IFIH1: variants seen among roughly 807,000 people sequenced by gnomAD.
IFIH1 encodes the protein interferon-induced helicase C domain-containing protein 1.
IFIH1 carries 125 observed loss-of-function variants against 107.4 expected under a neutral mutation model. The observed-to-expected ratio is 1.16, with a 90% CI of 1.01 to 1.35. The LOEUF (loss-of-function observed/expected upper bound fraction) is 1.35, where lower values mean the gene tolerates loss of function less well. Ranked by LOEUF, IFIH1 falls within the 40% of genes most tolerant of loss-of-function variation. The probability of loss-of-function intolerance (pLI) is 0.00; values close to 1 mark genes in which losing one functional copy is unlikely to be tolerated. For missense variants in IFIH1, 1,333 were observed against 1,213.7 expected, an observed-to-expected ratio of 1.10 and a Z score of -1.46; for synonymous variants, 458 against 413.2, an observed-to-expected ratio of 1.11 and a Z score of -1.31.
intron 4 of IFIH1, among the ~76,000 whole-genome samples, chr2:162,292,547 A>G (rs1176618714): frequency 6.6e-6 from 1 of 151,844 alleles, no homozygotes; most frequent in African/African-American, 2.4e-5. Flanking sequence ...CTTTCTATAA[A>G]CTATTTTGCC....
chr2:162,317,916 A>T lies in IFIH1; in HGVS notation c.392T>A (p.Val131Asp). 6.2e-7 allele frequency: 1 copy of T among 1,613,620 alleles called. No homozygotes were observed. Among genetic ancestry groups the T allele is most frequent in the Non-Finnish European group, 8.5e-7 (1 of 1,179,716 alleles). The change falls in exon 1 of 16, where the codon GTT becomes GAT. Residue 131 changes from valine (V) to aspartate (D), a missense_variant. Transcript: ENST00000649979. ...CATGCACTTATCCAAGACGTCTCTA[A>T]CTAGAAGCTTGTCCACCAGAGTGGG... ...LQPTLVDKLL[V>D]RDVLDKCMEE...
At position 162,318,486 on chromosome 2, in the gene IFIH1, T is replaced by G; in HGVS notation, c.-179A>C. On this transcript the variant is annotated 5_prime_UTR_variant, in exon 1 of 16. Transcript: ENST00000649979. ...CTCAGGCCGGCGCGCGGGGCTGCAC[T>G]CGCACCTGGGCAGGTGGGCAGGCGG... The G allele has an allele frequency of 1.8e-6, 1 of 549,934 alleles. No homozygotes were observed. Among genetic ancestry groups the G allele is most frequent in the East Asian group, 3.2e-5 (1 of 31,386 alleles). 34.1% of individuals were successfully genotyped at this position (549,934 alleles called of 1,614,324 possible).
intron 2 of IFIH1, among the ~76,000 whole-genome samples, chr2:162,309,063 A>C (rs1046439211): frequency 6.6e-5 from 10 of 152,212 alleles, no homozygotes; most frequent in African/African-American, 2.4e-4. Flanking sequence ...GTCTTATTCC[A>C]AAAAGGAGAT....
At chr2:162,283,260 A>G (rs929633387) in intron 5 of IFIH1, among the ~76,000 whole-genome samples, 19 of 151,928 alleles carry the variant, frequency 1.3e-4, no homozygotes, top group African/African-American at 4.3e-4. Context: ...AGGAGAACAG[A>G]TGTGAAGTGA....
chr2:162,316,499 T>A (rs1683489574), intron 1 of IFIH1, among the ~76,000 whole-genome samples: 1 of 152,216 alleles, frequency 6.6e-6, no homozygotes, highest in Non-Finnish European at 1.5e-5. Flanking sequence ...ATTAGATGCA[T>A]GTTTGGGTCT....
rs1285298087 is a variant in IFIH1 at position 162,310,800 on chromosome 2, T to C, written c.587A>G (p.Glu196Gly). Residue 196 changes from glutamate to glycine, a missense_variant, in exon 2 of 16, where the codon GAG (glutamate) becomes GGG (glycine). By Grantham distance (98) the Glu-to-Gly change is moderately conservative. Coordinates refer to ENST00000649979, the MANE Select transcript of IFIH1 (RefSeq NM_022168.4). ...RQTGNNELVQ[E>G]LTGSDCSESN... is the part of the protein sequence containing the mutation. The stretch of plus-strand genomic sequence containing the variant: ...TTCTGAGCAATCAGAGCCTGTTAAC[T>C]CTTGGACAAGTTCATTGTTTCCTGT... 1 of 1,613,900 alleles carries C rather than the reference T, an allele frequency of 6.2e-7. No individual in the cohort carries two copies. Among genetic ancestry groups the C allele is most frequent in the East Asian group, 2.2e-5 (1 of 44,832 alleles).
In IFIH1 at chr2:162,282,503, A is replaced by G; in HGVS notation, c.1169T>C (p.Leu390Ser). 2 of 1,611,792 alleles carry G rather than the reference A, an allele frequency of 1.2e-6. No individual in the cohort carries two copies. Among genetic ancestry groups the G allele is most frequent in the Non-Finnish European group, 1.7e-6 (2 of 1,178,622 alleles). Residue 390 changes from leucine (L) to serine (S), a missense_variant, in exon 6 of 16, where the codon TTA becomes TCA. Coordinates refer to ENST00000649979, the MANE Select transcript of IFIH1 (RefSeq NM_022168.4). Reference protein sequence around the residue: ...FLKKWYRVIGLSGDTQLKISF... With the variant: ...FLKKWYRVIGSSGDTQLKISF... The stretch of plus-strand genomic sequence containing the variant: ...TATTTTCAGTTGGGTATCACCACTT[A>G]ATCCAATAACACGATACCATTTCTT...
At chr2:162,271,310 A>G (rs1025583734) in intron 13 of IFIH1, among the ~76,000 whole-genome samples, 6 of 152,056 alleles carry the variant, frequency 3.9e-5, no homozygotes, top group East Asian at 1.9e-4. Context: ...CTTTGTAGGG[A>G]CATGGATGAA....
chr2:162,303,101 TG>T (rs1185264460), intron 3 of IFIH1, among the ~76,000 whole-genome samples: 1 of 152,104 alleles, frequency 6.6e-6, no homozygotes, highest in Non-Finnish European at 1.5e-5. Flanking sequence ...GAAAGCTCCA[TG>T]GGGGCTGAAG....
chr2:162,284,999 G>T (rs577730873), intron 5 of IFIH1, among the ~76,000 whole-genome samples: 6 of 152,066 alleles, frequency 3.9e-5, no homozygotes, highest in Admixed American at 2.0e-4. Flanking sequence ...GCAGATGCTG[G>T]AAATCCTGAT....
intron 5 of IFIH1, among the ~76,000 whole-genome samples, chr2:162,284,240 TGCAAGAC>T (rs1241083094): frequency 1.3e-5 from 2 of 151,948 alleles, no homozygotes; most frequent in Admixed American, 6.6e-5. Context: ...ATTTCATTTA[TGCAAGAC>T]AGAAGGCTTC....
intron 2 of IFIH1, chr2:162,310,555 T>G: frequency 1.8e-6 from 1 of 562,842 alleles, no homozygotes; most frequent in Non-Finnish European, 3.1e-6. Context: ...GTTGGTTGGA[T>G]GAAAAATGGT....
chr2:162,277,730 CATATAA>C, intron 9 of IFIH1, 37 bp from the exon 10 acceptor site: 1 of 1,561,996 alleles, frequency 6.4e-7, no homozygotes, highest in Non-Finnish European at 8.6e-7. Flanking sequence ...AAATAATAAG[CATATAA>C]ACCCCCTAAA....
rs914312984 is a variant in IFIH1, at chr2:162,282,424, G to T, written c.1248C>A (p.Ile416=). 3 of 1,611,840 alleles carry T rather than the reference G, an allele frequency of 1.9e-6. No individual in the cohort carries two copies. Among genetic ancestry groups the T allele is most frequent in the Non-Finnish European group, 2.5e-6 (3 of 1,178,616 alleles). ...CCAAGTTTAAGAGGGAGTTTTCAAG[G>T]ATTTGAGCTGTACTGATAATAATAT... ...SCDIIISTAQ[I]LENSLLNLEN... is the part of the protein sequence containing the mutation. The change falls in exon 6 of 16, where the codon ATC becomes ATA. Residue 416 remains isoleucine, a synonymous_variant. Transcript: ENST00000649979.
intron 1 of IFIH1, among the ~76,000 whole-genome samples, chr2:162,315,820 A>G (rs373924085): frequency 6.6e-6 from 1 of 152,208 alleles, no homozygotes; most frequent in Admixed American, 6.5e-5. Context: ...ATTGTCCACC[A>G]TATCTTAGTT....
chr2:162,294,359 T>A (rs1683048733), intron 3 of IFIH1, among the ~76,000 whole-genome samples: 1 of 151,978 alleles, frequency 6.6e-6, no homozygotes, highest in Non-Finnish European at 1.5e-5. Flanking sequence ...GAACTCAGGA[T>A]CAATTCTTTT....
intron 1 of IFIH1, among the ~76,000 whole-genome samples, chr2:162,315,869 T>C (rs1360632156): frequency 6.6e-6 from 1 of 152,212 alleles, no homozygotes; most frequent in Non-Finnish European, 1.5e-5. Flanking sequence ...CACACAAAAA[T>C]TATTCCACAC....
At chr2:162,302,936 A>C (rs1683216811) in intron 3 of IFIH1, among the ~76,000 whole-genome samples, 1 of 152,172 alleles carries the variant, frequency 6.6e-6, no homozygotes, top group South Asian at 2.1e-4. Context: ...ATGTTTGTGA[A>C]TTGGATGGAT....
At chr2:162,283,676 T>C (rs1056056852) in intron 5 of IFIH1, among the ~76,000 whole-genome samples, 5 of 152,034 alleles carry the variant, frequency 3.3e-5, no homozygotes, top group Non-Finnish European at 5.9e-5. Flanking sequence ...TTATTCATCT[T>C]TTTACTTGAG....
Sources: allele counts gnomAD v4.1 joint callset (sites outside exome capture counted in the v4.1 genomes callset), GRCh38; gene constraint gnomAD v4.1.1; transcripts MANE v1.5; gene names NCBI Gene and HGNC (gene_info 2026-07-23, HGNC 2026-07-21).